Variants in SAXO1 observed in about 807,000 individuals in gnomAD.
SAXO1 encodes 4930500O09Rik.
Under a neutral mutation model 17.5 loss-of-function variants are expected in SAXO1, and 21 were observed. The observed-to-expected ratio is 1.20, with a 90% CI of 0.85 to 1.72. The LOEUF is 1.72. Ranked by LOEUF, SAXO1 falls within the 40% of genes most tolerant of loss-of-function variation. The pLI is 0.00. For missense variants in SAXO1, 843 were observed against 596.0 expected, an observed-to-expected ratio of 1.41 and a Z score of -4.32; for synonymous variants, 274 against 216.5, an observed-to-expected ratio of 1.27 and a Z score of -2.33.
At chr9:19,035,686 A>G (rs1835917824), upstream of SAXO1, among the ~76,000 whole-genome samples, 1 of 152,194 alleles carries the variant, frequency 6.6e-6, no homozygotes, top group African/African-American at 2.4e-5. Context: ...TATGGACAAT[A>G]AAGTCCAGGC....
chr9:19,039,535 A>C (rs1836024610), intron 1 of SAXO1, among the ~76,000 whole-genome samples: 1 of 152,206 alleles, frequency 6.6e-6, no homozygotes, highest in South Asian at 2.1e-4. Context: ...GGTTACCTTG[A>C]GAAAGGCCAT....
intron 1 of SAXO1, among the ~76,000 whole-genome samples, chr9:18,957,412 G>A (rs1488330184): frequency 1.3e-5 from 2 of 152,184 alleles, no homozygotes; most frequent in South Asian, 2.1e-4. Context: ...TAACACAGCT[G>A]GTCAGCAGCA....
At chr9:18,961,531 C>T (rs1387704099) in intron 1 of SAXO1, among the ~76,000 whole-genome samples, 1 of 152,068 alleles carries the variant, frequency 6.6e-6, no homozygotes, top group Admixed American at 6.6e-5. Context: ...TGTTCCCCTC[C>T]CTGTGTCCAT....
chr9:18,938,197 T>C (rs577998160), intron 3 of SAXO1, among the ~76,000 whole-genome samples: 1 of 152,084 alleles, frequency 6.6e-6, no homozygotes, highest in Non-Finnish European at 1.5e-5. Context: ...AGGAAGAAAA[T>C]AGGATTTTCT....
intron 1 of SAXO1, among the ~76,000 whole-genome samples, chr9:18,997,674 G>A (rs1834064799): frequency 6.6e-6 from 1 of 152,202 alleles, no homozygotes; most frequent in Admixed American, 6.5e-5. Flanking sequence ...GTGGGTCCCT[G>A]ACCCCCATGT....
At chr9:19,000,779 G>A (rs1191192702) in intron 1 of SAXO1, among the ~76,000 whole-genome samples, 2 of 152,166 alleles carry the variant, frequency 1.3e-5, no homozygotes, top group Non-Finnish European at 2.9e-5. Flanking sequence ...AAAAGCAGGG[G>A]TTGCAATCCT....
At chr9:19,021,347 C>G (rs142377072) in intron 1 of SAXO1, among the ~76,000 whole-genome samples, 1 of 152,176 alleles carries the variant, frequency 6.6e-6, no homozygotes, top group Non-Finnish European at 1.5e-5. Context: ...CCATAAGGTC[C>G]GAGAAAGACA....
chr9:18,948,034 G>T (rs1165779917), intron 2 of SAXO1, among the ~76,000 whole-genome samples: 2 of 152,212 alleles, frequency 1.3e-5, no homozygotes, highest in African/African-American at 4.8e-5. Context: ...AAAGAAGTGG[G>T]TGGGATGTTC....
At chr9:19,010,436 T>C (rs1019067083) in intron 1 of SAXO1, among the ~76,000 whole-genome samples, 4 of 151,794 alleles carry the variant, frequency 2.6e-5, no homozygotes. Flanking sequence ...CCTCTGGTCC[T>C]ACTAAACAAA....
intron 1 of SAXO1, among the ~76,000 whole-genome samples, chr9:19,018,927 T>C (rs946974832): frequency 1.3e-5 from 2 of 151,910 alleles, no homozygotes; most frequent in African/African-American, 4.8e-5. Flanking sequence ...CTGACCAACA[T>C]GGAGAAACCC....
At chr9:19,014,710 C>A (rs1834896261) in intron 1 of SAXO1, among the ~76,000 whole-genome samples, 1 of 152,084 alleles carries the variant, frequency 6.6e-6, no homozygotes. Context: ...GGCTTAGAGG[C>A]TCAGGAGGTC....
upstream of SAXO1, among the ~76,000 whole-genome samples, chr9:19,037,019 G>C (rs764477989): frequency 6.6e-6 from 1 of 152,230 alleles, no homozygotes; most frequent in Non-Finnish European, 1.5e-5. Context: ...GTGAGACATG[G>C]AGTCAAAGGA....
At chr9:19,027,727 C>A in intron 1 of SAXO1, 3 of 1,422,082 alleles carry the variant, frequency 2.1e-6, no homozygotes, top group Non-Finnish European at 2.9e-6. Context: ...ACTTTGACAG[C>A]GAGAAGTCCG....
intron 1 of SAXO1, among the ~76,000 whole-genome samples, chr9:19,012,863 C>A (rs891939157): frequency 3.9e-5 from 6 of 152,224 alleles, no homozygotes; most frequent in Admixed American, 2.0e-4. Context: ...AAGGGAGGCG[C>A]TGCGGAGCTC....
At chr9:18,980,036 G>T (rs73431271) in intron 1 of SAXO1, among the ~76,000 whole-genome samples, 7 of 152,170 alleles carry the variant, frequency 4.6e-5, no homozygotes, top group Non-Finnish European at 1.0e-4. Flanking sequence ...TTCTGAAACG[G>T]GGTGTTTAGA....
chr9:18,966,066 C>G (rs1184360561), intron 1 of SAXO1, among the ~76,000 whole-genome samples: 2 of 152,190 alleles, frequency 1.3e-5, no homozygotes, highest in Non-Finnish European at 2.9e-5. Flanking sequence ...ATGTTAAATA[C>G]TGGCCTCCAC....
intron 1 of SAXO1, among the ~76,000 whole-genome samples, chr9:19,003,824 A>G (rs1457339549): frequency 6.6e-6 from 1 of 152,226 alleles, no homozygotes; most frequent in Non-Finnish European, 1.5e-5. Flanking sequence ...CATTCAGGAC[A>G]TAGGCAAGGG....
chr9:18,942,706 G>T, intron 2 of SAXO1, among the ~76,000 whole-genome samples: 1 of 152,140 alleles, frequency 6.6e-6, no homozygotes. Flanking sequence ...CCTCCCCAAA[G>T]CATCCCAGAT....
intron 1 of SAXO1, among the ~76,000 whole-genome samples, chr9:18,994,962 T>A (rs1833946163): frequency 6.6e-6 from 1 of 152,188 alleles, no homozygotes; most frequent in Non-Finnish European, 1.5e-5. Context: ...CCTTGTGCAA[T>A]GTTTAACTTT....
Sources: allele counts gnomAD v4.1 joint callset (sites outside exome capture counted in the v4.1 genomes callset), GRCh38; gene constraint gnomAD v4.1.1; transcripts MANE v1.5; gene names NCBI Gene and HGNC (gene_info 2026-07-23, HGNC 2026-07-21).